The following LTBP1 variants were observed in gnomAD, a reference collection of about 807,000 sequenced individuals.
LTBP1 encodes latent transforming growth factor beta binding protein 1.
Under a neutral mutation model 207.6 loss-of-function variants are expected in LTBP1, and 129 were observed. That is an observed-to-expected ratio of 0.62 (90% CI 0.54 to 0.72). The LOEUF (loss-of-function observed/expected upper bound fraction) is 0.72, where lower values mean the gene tolerates loss of function less well. LTBP1 is among the 30% of genes least tolerant of loss of function. LTBP1 has a pLI of 0.00. For missense variants in LTBP1, 2,281 were observed against 2,217.2 expected (o/e 1.03, Z -0.58); for synonymous variants, 963 against 833.7 (o/e 1.16, Z -2.67).
intron 5 of LTBP1, among the ~76,000 whole-genome samples, chr2:33,173,958 C>G (rs1213676764): frequency 7.4e-6 from 1 of 135,154 alleles, no homozygotes; most frequent in African/African-American, 2.6e-5. Flanking sequence ...TTCAACAACG[C>G]TTCATGCTAA....
At chr2:33,220,453 T>C (rs1003796220) in intron 8 of LTBP1, among the ~76,000 whole-genome samples, 3 of 152,242 alleles carry the variant, frequency 2.0e-5, no homozygotes, top group African/African-American at 7.2e-5. Context: ...TTTTTTTTGC[T>C]GTGAATACTT....
At chr2:33,145,084 A>C (rs939603465) in intron 5 of LTBP1, among the ~76,000 whole-genome samples, 2 of 152,202 alleles carry the variant, frequency 1.3e-5, no homozygotes, top group African/African-American at 2.4e-5. Flanking sequence ...TTCCATTGCC[A>C]ATTTAATGTG....
intron 13 of LTBP1, among the ~76,000 whole-genome samples, chr2:33,260,165 T>C (rs76401643): frequency 0.056 from 8,589 of 152,258 alleles, 813 homozygotes; most frequent in African/African-American, 0.2. Context: ...CTATGAATTG[T>C]GAGACATTTT....
chr2:33,300,353 T>C, intron 20 of LTBP1, 98 bp from the exon 21 acceptor site: 1 of 1,218,126 alleles, frequency 8.2e-7, no homozygotes, highest in Non-Finnish European at 1.2e-6. Context: ...AGAAGTACTA[T>C]TATTTTTGTT....
At chr2:33,290,792 G>T (rs1005101420) in intron 19 of LTBP1, among the ~76,000 whole-genome samples, 4 of 152,172 alleles carry the variant, frequency 2.6e-5, no homozygotes, top group Non-Finnish European at 5.9e-5. Flanking sequence ...CAGAGGAGGG[G>T]TCAGTTTTGG....
At chr2:33,381,154 G>A (rs926140414) in intron 31 of LTBP1, among the ~76,000 whole-genome samples, 2 of 152,116 alleles carry the variant, frequency 1.3e-5, no homozygotes, top group Non-Finnish European at 1.5e-5. Context: ...CTATGAAATT[G>A]CTTGGATGTA....
chr2:32,994,172 A>G (rs922846760), intron 2 of LTBP1, among the ~76,000 whole-genome samples: 1 of 152,204 alleles, frequency 6.6e-6, no homozygotes. Flanking sequence ...CCTTGTCATC[A>G]GAGGTCTTTA....
chr2:32,957,453 A>G (rs1294111670), intron 2 of LTBP1, among the ~76,000 whole-genome samples: 2 of 152,196 alleles, frequency 1.3e-5, no homozygotes, highest in Admixed American at 6.5e-5. Flanking sequence ...AGGGAAGCCC[A>G]GGGAAAGGGA....
At chr2:33,295,308 C>T (rs745676865) in intron 20 of LTBP1, among the ~76,000 whole-genome samples, 14 of 151,992 alleles carry the variant, frequency 9.2e-5, no homozygotes, top group Non-Finnish European at 1.8e-4. Flanking sequence ...AGATGGATCA[C>T]CTGAAGTCAG....
intron 2 of LTBP1, among the ~76,000 whole-genome samples, chr2:32,961,334 G>T (rs1679075382): frequency 1.3e-5 from 2 of 152,118 alleles, no homozygotes; most frequent in South Asian, 4.2e-4. Flanking sequence ...AAAGTGTGAG[G>T]GTGAAGAAAG....
At chr2:33,388,945 C>T (rs2095291212) in intron 31 of LTBP1, among the ~76,000 whole-genome samples, 1 of 152,206 alleles carries the variant, frequency 6.6e-6, no homozygotes. Flanking sequence ...CACTGTTAAG[C>T]TAATATTTTT....
At chr2:33,178,727 A>G (rs543945319) in intron 5 of LTBP1, among the ~76,000 whole-genome samples, 4 of 152,302 alleles carry the variant, frequency 2.6e-5, no homozygotes, top group Non-Finnish European at 4.4e-5. Flanking sequence ...AATGGTTAAA[A>G]TAGTCTTTAA....
At chr2:33,166,327 T>C (rs2084916896) in intron 5 of LTBP1, among the ~76,000 whole-genome samples, 1 of 152,198 alleles carries the variant, frequency 6.6e-6, no homozygotes, top group Non-Finnish European at 1.5e-5. Context: ...GGAGGAATAC[T>C]AGGGAAAAGT....
chr2:33,132,663 G>C (rs75262002), intron 4 of LTBP1, among the ~76,000 whole-genome samples: 1 of 152,140 alleles, frequency 6.6e-6, no homozygotes, highest in Non-Finnish European at 1.5e-5. Flanking sequence ...AGGACATCTT[G>C]CCATTTCAGA....
intron 15 of LTBP1, among the ~76,000 whole-genome samples, chr2:33,270,940 T>G (rs1260946496): frequency 6.6e-6 from 1 of 152,174 alleles, no homozygotes; most frequent in African/African-American, 2.4e-5. Flanking sequence ...ATTGGATTGG[T>G]GGGAAAGGCC....
intron 4 of LTBP1, among the ~76,000 whole-genome samples, chr2:33,118,785 GA>G (rs2080930803): frequency 6.6e-6 from 1 of 152,172 alleles, no homozygotes; most frequent in South Asian, 2.1e-4. Context: ...TTAGGGCGTG[GA>G]GGGGAGGATG....
At chr2:33,394,436 A>G (rs2095342107) in intron 32 of LTBP1, among the ~76,000 whole-genome samples, 1 of 152,164 alleles carries the variant, frequency 6.6e-6, no homozygotes, top group African/African-American at 2.4e-5. Context: ...TAGGTCTAAC[A>G]TGTAAGTCTT....
intron 2 of LTBP1, among the ~76,000 whole-genome samples, chr2:33,005,827 T>C (rs1174738691): frequency 1.3e-5 from 2 of 152,140 alleles, no homozygotes; most frequent in African/African-American, 4.8e-5. Flanking sequence ...CCTCAGGTGA[T>C]CTGCCTGCCT....
intron 32 of LTBP1, among the ~76,000 whole-genome samples, chr2:33,394,200 T>C (rs1288077985): frequency 6.6e-6 from 1 of 152,242 alleles, no homozygotes; most frequent in Non-Finnish European, 1.5e-5. Flanking sequence ...ATTAGCCCTT[T>C]TGTCAGATGG....
Sources: allele counts gnomAD v4.1 joint callset (sites outside exome capture counted in the v4.1 genomes callset), GRCh38; gene constraint gnomAD v4.1.1; transcripts MANE v1.5; gene names NCBI Gene and HGNC (gene_info 2026-07-23, HGNC 2026-07-21).